NAA50: variants seen among roughly 807,000 people sequenced by gnomAD.
The protein encoded by NAA50 is N-alpha-acetyltransferase 50, NatE catalytic subunit.
Under a neutral mutation model 20.7 loss-of-function variants are expected in NAA50, and 7 were observed. That is an observed-to-expected ratio of 0.34 (90% confidence interval 0.19 to 0.63). The LOEUF is 0.63. NAA50 is among the 30% of genes least tolerant of loss of function. NAA50 has a pLI of 0.75. For missense variants in NAA50, 111 were observed against 199.1 expected, an observed-to-expected ratio of 0.56 and a Z score of 2.66; for synonymous variants, 54 against 70.6, an observed-to-expected ratio of 0.77 and a Z score of 1.18.
intron 4 of NAA50, among the ~76,000 whole-genome samples, chr3:113,722,686 CTAATA>C (rs1289316936): frequency 6.6e-6 from 1 of 152,066 alleles, no homozygotes; most frequent in African/African-American, 2.4e-5. Flanking sequence ...TGCTCTCATC[CTAATA>C]TAATAAAGCA....
At chr3:113,729,319 C>G (rs1708240873) in intron 1 of NAA50, among the ~76,000 whole-genome samples, 1 of 152,142 alleles carries the variant, frequency 6.6e-6, no homozygotes, top group Non-Finnish European at 1.5e-5. Flanking sequence ...GTTTTCTTAT[C>G]AGGGTTATCT....
rs775293881 is a variant in NAA50 at position 113,720,270 on chromosome 3, T to G, written c.*1490A>C. On this transcript the variant is annotated 3_prime_UTR_variant, in exon 5 of 5. Transcript: ENST00000240922. Reference sequence around the variant, plus strand: ...TTTAACATATTTGGAAATGAGACTTTATACCGCAATTTTACATAAGAGGAT... The same window carrying G: ...TTTAACATATTTGGAAATGAGACTTGATACCGCAATTTTACATAAGAGGAT... 4 of 152,430 alleles carry G rather than the reference T, an allele frequency of 2.6e-5. No homozygotes were observed. The highest frequency in any genetic ancestry group is 5.9e-5 in the Non-Finnish European group (4 of 68,022). 9.4% of individuals were successfully genotyped at this position (152,430 alleles called of 1,614,324 possible).
rs1440282784 is a variant in NAA50, at chr3:113,718,382, T to A, written c.*3378A>T. The A allele has an allele frequency of 6.6e-6, 1 of 152,228 alleles. No individual in the cohort carries two copies. The highest frequency in any genetic ancestry group is 1.5e-5 in the Non-Finnish European group (1 of 68,060). 9.4% of individuals were successfully genotyped at this position (152,228 alleles called of 1,614,324 possible). A position where few individuals can be genotyped will look rare whatever the true frequency, so the allele number is the denominator to read the frequency against. ...AGTTAAGCAGCTCCTAGATTCCTGA[T>A]CCAGAACTGTGGAAGGTAATACTTG... On this transcript the variant is annotated 3_prime_UTR_variant, in exon 5 of 5. Coordinates refer to ENST00000240922, the MANE Select transcript of NAA50 (RefSeq NM_025146.4).
Position 113,718,996 on chromosome 3 carries a change from C to T in NAA50, c.*2764G>A, listed in dbSNP as rs1708099093. The T allele has an allele frequency of 6.6e-6, 1 of 152,612 alleles. No individual in the cohort carries two copies. The highest frequency in any genetic ancestry group is 6.5e-5 in the Admixed American group (1 of 15,278). The allele number at this position is 152,612 out of a possible 1,614,324, so 9.5% of individuals were successfully genotyped here. ...ATTTACAGATATCACAGATCACTAC[C>T]AGAACATCACATAAGTTTATTTCAG... On this transcript the variant is annotated 3_prime_UTR_variant, in exon 5 of 5. Coordinates refer to ENST00000240922, the MANE Select transcript of NAA50 (RefSeq NM_025146.4).
chr3:113,726,935 G>T (rs1221650224), intron 1 of NAA50, among the ~76,000 whole-genome samples: 1 of 152,112 alleles, frequency 6.6e-6, no homozygotes, highest in East Asian at 1.9e-4. Flanking sequence ...GCTGAGGAAG[G>T]CACATGCCAC....
intron 1 of NAA50, chr3:113,741,006 TA>T: frequency 2.0e-6 from 1 of 495,286 alleles, no homozygotes; most frequent in Non-Finnish European, 4.0e-6. Context: ...TTCTTTTACA[TA>T]ACATTAACAG....
At chr3:113,733,089 A>AT (rs1166202149) in intron 1 of NAA50, among the ~76,000 whole-genome samples, 1 of 151,782 alleles carries the variant, frequency 6.6e-6, no homozygotes, top group Non-Finnish European at 1.5e-5. Context: ...TAAACCTAGA[A>AT]TTTTTTACAC....
At chr3:113,735,109 T>C (rs1244848645) in intron 1 of NAA50, among the ~76,000 whole-genome samples, 2 of 152,210 alleles carry the variant, frequency 1.3e-5, no homozygotes, top group African/African-American at 2.4e-5. Flanking sequence ...CTACCAAGGA[T>C]GTCTGTAGTA....
intron 1 of NAA50, among the ~76,000 whole-genome samples, chr3:113,745,075 A>G (rs1443976595): frequency 6.6e-6 from 1 of 152,230 alleles, no homozygotes; most frequent in Non-Finnish European, 1.5e-5. Context: ...GCTTGAGACA[A>G]TGCTTCGGAA....
In NAA50 at chr3:113,738,962, A is replaced by G. The variant is rs531968207; in HGVS notation, c.8+6980T>C. On this transcript the variant is annotated intron_variant, in intron 1 of 4. Coordinates refer to ENST00000240922, the MANE Select transcript of NAA50 (RefSeq NM_025146.4). The stretch of plus-strand genomic sequence containing the variant: ...CTAAAGAATATCATCTTTGTTTTAC[A>G]ATTTGAAGTTAAGGCAATCATCATC... Among the ~76,000 whole-genome samples the G allele has an allele frequency of 6.6e-5, 10 of 152,298 alleles. No homozygotes were observed. In the East Asian group the frequency reaches 1.9e-3, roughly 29 times the overall value.
intron 1 of NAA50, chr3:113,724,650 A>G (rs376777311): frequency 1.3e-5 from 2 of 152,154 alleles, no homozygotes; most frequent in Admixed American, 1.3e-4. Flanking sequence ...CATCTTGAAA[A>G]TCACCCCAGG....
At chr3:113,738,818 A>G (rs1289222513) in intron 1 of NAA50, among the ~76,000 whole-genome samples, 1 of 152,204 alleles carries the variant, frequency 6.6e-6, no homozygotes, top group East Asian at 1.9e-4. Context: ...CTGGAAAAAG[A>G]AGTGTTTGAA....
At position 113,721,413 on chromosome 3, in the gene NAA50, T is replaced by C; in HGVS notation, c.*347A>G. The C allele has an allele frequency of 3.9e-6, 1 of 253,970 alleles. No individual in the cohort carries two copies. The highest frequency in any genetic ancestry group is 7.6e-6 in the Non-Finnish European group (1 of 132,426). The allele number at this position is 253,970 out of a possible 1,614,324, so 15.7% of individuals were successfully genotyped here. A position where few individuals can be genotyped will look rare whatever the true frequency, so the allele number is the denominator to read the frequency against. On this transcript the variant is annotated 3_prime_UTR_variant, in exon 5 of 5. Coordinates refer to ENST00000240922, the MANE Select transcript of NAA50 (RefSeq NM_025146.4). ...TCTTTTTGTCTTTTGAAATATACAA[T>C]GTTTTGTAGGCTCTGCCCTTCAATG...
chr3:113,721,979 G>A (rs1388744726), intron 4 of NAA50, 42 bp from the exon 5 acceptor site: 2 of 1,563,952 alleles, frequency 1.3e-6, no homozygotes, highest in South Asian at 2.3e-5. Flanking sequence ...TAAAATTAAG[G>A]TTTCATCAAG....
chr3:113,744,876 T>C (rs1708468114), intron 1 of NAA50, among the ~76,000 whole-genome samples: 1 of 151,906 alleles, frequency 6.6e-6, no homozygotes, highest in Admixed American at 6.5e-5. Context: ...TGGGGCAGTA[T>C]GAGATTACGT....
rs1026241975 is a variant in NAA50 at position 113,746,098 on chromosome 3, GCGAGAGT to G, written c.-156_-150del. ...GGGAGCTGTGCGAGCAACGAAGGCC[GCGAGAGT>G]CGAGTGAGGGCTTGAGTCTGGTGGG... On this transcript the variant is annotated 5_prime_UTR_variant, in exon 1 of 5. Coordinates refer to ENST00000240922, the MANE Select transcript of NAA50 (RefSeq NM_025146.4). 2.1e-4 allele frequency: 222 copies of G among 1,033,486 alleles called. No homozygotes were observed. The highest frequency in any genetic ancestry group is 2.9e-4 in the Non-Finnish European group (206 of 718,688). The allele number at this position is 1,033,486 out of a possible 1,614,324, so 64.0% of individuals were successfully genotyped here. A position where few individuals can be genotyped will look rare whatever the true frequency, so the allele number is the denominator to read the frequency against.
At chr3:113,723,594 A>G in intron 2 of NAA50, 53 bp from the exon 3 acceptor site, 2 of 1,532,982 alleles carry the variant, frequency 1.3e-6, no homozygotes, top group South Asian at 1.2e-5. Flanking sequence ...TAACACATTT[A>G]ATCTTTTTCC....
At chr3:113,734,418 G>A (rs557276100) in intron 1 of NAA50, among the ~76,000 whole-genome samples, 32 of 152,130 alleles carry the variant, frequency 2.1e-4, no homozygotes, top group African/African-American at 6.7e-4. Context: ...ACACACCCAC[G>A]TAACAAACCG....
Position 113,723,475 on chromosome 3 carries a change from C to T in NAA50, c.212G>A (p.Arg71Lys). ...CRVDHSQNQK[R>K]LYIMTLGCLA... ...ACATCCTAGTGTCATGATGTAAAGT[C>T]TCTTCTGATTCTGTGAATGATCCAC... The change falls in exon 3 of 5, where the codon AGA (arginine) becomes AAA (lysine). Residue 71 changes from arginine to lysine, a missense_variant. Transcript: ENST00000240922. 3 of 1,613,092 alleles carry T rather than the reference C, an allele frequency of 1.9e-6. No individual in the cohort carries two copies. Among genetic ancestry groups the T allele is most frequent in the Non-Finnish European group, 2.5e-6 (3 of 1,179,450 alleles).
Sources: gnomAD v4.1 joint callset for allele counts (sites outside exome capture counted in the v4.1 genomes callset) on GRCh38, gnomAD v4.1.1 for gene constraint, MANE v1.5 for transcripts, NCBI Gene and HGNC (gene_info 2026-07-23, HGNC 2026-07-21) for gene names.